PTPRT: variants seen among roughly 807,000 people sequenced by gnomAD.
PTPRT encodes the protein receptor-type tyrosine-protein phosphatase T.
A neutral mutation model predicts 176.8 loss-of-function variants in PTPRT; 56 were observed. The observed-to-expected ratio is 0.32, with a 90% CI of 0.26 to 0.40. The LOEUF is 0.40. Among genes scored for constraint, PTPRT ranks in the 10% least tolerant of loss-of-function variants. PTPRT has a pLI of 1.00. For synonymous variants in PTPRT, 783 were observed against 739.0 expected (o/e 1.06, Z -0.96); for missense variants, 1,540 against 1,908.2 (o/e 0.81, Z 3.60).
rs1467226583 is a variant in PTPRT, at chr20:42,617,150, G to C, written c.1153+60716C>G. On this transcript the variant is annotated intron_variant, in intron 7 of 30. Transcript: ENST00000373187. ...TTTATTGAGAGTTTTTAGCATGAAGGGTTGTTGAATTTTGTCAAAGGCTTT... is the reference window on the plus strand; with the variant it reads ...TTTATTGAGAGTTTTTAGCATGAAGCGTTGTTGAATTTTGTCAAAGGCTTT... 2.2e-3 allele frequency among the ~76,000 whole-genome samples: 306 copies of C among 136,996 alleles called. 89 individuals carry two copies. The highest frequency in any genetic ancestry group is 9.4e-3 in the African/African-American group (290 of 30,806). The allele number at this position is 136,996 out of a possible 152,430, so 89.9% of individuals were successfully genotyped here.
chr20:42,692,845 A>T (rs2075812961), intron 6 of PTPRT, among the ~76,000 whole-genome samples: 1 of 152,188 alleles, frequency 6.6e-6, no homozygotes, highest in South Asian at 2.1e-4. Flanking sequence ...AAATTTAAAA[A>T]GTGCCATTTA....
chr20:42,461,950 A>G (rs1259279903), intron 8 of PTPRT, among the ~76,000 whole-genome samples: 5 of 151,480 alleles, frequency 3.3e-5, no homozygotes, highest in African/African-American at 1.2e-4. Flanking sequence ...TTACAAAGGG[A>G]AATTTTGATG....
At chr20:42,803,317 G>A (rs1237398201) in intron 2 of PTPRT, among the ~76,000 whole-genome samples, 2 of 152,230 alleles carry the variant, frequency 1.3e-5, no homozygotes, top group African/African-American at 4.8e-5. Context: ...TCTGAGTGGG[G>A]TCAGTCATCT....
At chr20:42,120,027 C>G in intron 19 of PTPRT, 56 bp from the exon 20 acceptor site, 1 of 1,475,768 alleles carries the variant, frequency 6.8e-7, no homozygotes, top group Non-Finnish European at 9.3e-7. Flanking sequence ...TTGCAAACAG[C>G]ACAATATTAA....
At chr20:42,809,185 T>C (rs1409547720) in intron 2 of PTPRT, among the ~76,000 whole-genome samples, 1 of 152,206 alleles carries the variant, frequency 6.6e-6, no homozygotes, top group Admixed American at 6.5e-5. Flanking sequence ...ATCACGTCAC[T>C]GCCCAATTCT....
rs1022333498 is a variant in PTPRT, at chr20:42,402,811, GGT to G, written c.1560+45407_1560+45408del. 3.3e-5 allele frequency among the ~76,000 whole-genome samples: 5 copies of G among 151,362 alleles called. No individual in the cohort carries two copies. In the South Asian group the frequency reaches 6.3e-4, roughly 19 times the overall value. ...TCTCTCAGGGGGACTGTGGTTTGGG[GGT>G]GTGTGTGTGTGCATGTGTATGTGCA... On this transcript the variant is annotated intron_variant, in intron 9 of 30. Coordinates refer to ENST00000373187, the MANE Select transcript of PTPRT (RefSeq NM_007050.6).
chr20:42,461,492 A>G (rs1432352179), intron 8 of PTPRT, among the ~76,000 whole-genome samples: 1 of 152,128 alleles, frequency 6.6e-6, no homozygotes, highest in African/African-American at 2.4e-5. Flanking sequence ...AGCTGATCAT[A>G]TCACTGCCCT....
Position 42,215,643 on chromosome 20 carries a change from A to G in PTPRT, c.2343-16255T>C, listed in dbSNP as rs2055751156. On this transcript the variant is annotated intron_variant, in intron 15 of 30. Transcript: ENST00000373187. ...CATACGACCCGAAACCAAACCAGCC[A>G]GTGGGGCAGATGCTCTTCCCCTATT... Among the ~76,000 whole-genome samples the G allele has an allele frequency of 2.0e-5, 3 of 152,204 alleles. 1 individual carries two copies. Among genetic ancestry groups the G allele is most frequent in the Admixed American group, 2.0e-4 (3 of 15,282 alleles).
intron 1 of PTPRT, among the ~76,000 whole-genome samples, chr20:42,915,754 G>C (rs1978699585): frequency 6.6e-6 from 1 of 151,984 alleles, no homozygotes; most frequent in Non-Finnish European, 1.5e-5. Flanking sequence ...ACCACACACA[G>C]CTAATTTTTT....
rs191244647 is a variant in PTPRT, at chr20:43,043,311, A to T, written c.88+146335T>A. Reference sequence around the variant, plus strand: ...TTGTACTGATTAATTTCAGTACAAAAGGTAGAAAAGTGAAGAGCTCCATAT... The same window carrying T: ...TTGTACTGATTAATTTCAGTACAAATGGTAGAAAAGTGAAGAGCTCCATAT... On this transcript the variant is annotated intron_variant, in intron 1 of 30. Coordinates refer to ENST00000373187, the MANE Select transcript of PTPRT (RefSeq NM_007050.6). 1.5e-3 allele frequency among the ~76,000 whole-genome samples: 221 copies of T among 152,302 alleles called. 1 individual carries two copies. The highest frequency in any genetic ancestry group is 2.6e-3 in the Non-Finnish European group (179 of 68,022).
chr20:42,670,640 G>A (rs980526169), intron 7 of PTPRT, among the ~76,000 whole-genome samples: 1 of 152,160 alleles, frequency 6.6e-6, no homozygotes, highest in African/African-American at 2.4e-5. Context: ...AGCGTATGTG[G>A]TGTCTCTGGC....
chr20:42,231,851 G>A (rs1056124594), intron 15 of PTPRT, among the ~76,000 whole-genome samples: 1 of 152,186 alleles, frequency 6.6e-6, no homozygotes, highest in Non-Finnish European at 1.5e-5. Context: ...GCTCCTTATG[G>A]AAAATATTTG....
At chr20:43,184,521 T>C (rs1257349661) in intron 1 of PTPRT, among the ~76,000 whole-genome samples, 4 of 152,104 alleles carry the variant, frequency 2.6e-5, no homozygotes. Context: ...ACTCTGTCTC[T>C]ACTAAAAATA....
At chr20:42,864,858 A>T (rs903126934) in intron 2 of PTPRT, among the ~76,000 whole-genome samples, 2 of 152,250 alleles carry the variant, frequency 1.3e-5, no homozygotes, top group Non-Finnish European at 2.9e-5. Context: ...AAATCTAAAA[A>T]TCAGGCTTGT....
intron 2 of PTPRT, among the ~76,000 whole-genome samples, chr20:42,802,998 G>A (rs1286309907): frequency 1.3e-5 from 2 of 152,216 alleles, no homozygotes; most frequent in African/African-American, 2.4e-5. Context: ...TTGAGAATTA[G>A]CTACCATGAT....
chr20:43,131,016 T>C (rs1005089422), intron 1 of PTPRT, among the ~76,000 whole-genome samples: 5 of 152,224 alleles, frequency 3.3e-5, no homozygotes, highest in African/African-American at 9.6e-5. Context: ...AGTTTGACCA[T>C]GTGTCACCAG....
At chr20:42,380,347 G>A (rs2058687404) in intron 9 of PTPRT, among the ~76,000 whole-genome samples, 1 of 152,078 alleles carries the variant, frequency 6.6e-6, no homozygotes, top group African/African-American at 2.4e-5. Context: ...TGACTGGTAG[G>A]CTATGCAGAG....
chr20:42,930,010 C>G (rs1349246830), intron 1 of PTPRT, among the ~76,000 whole-genome samples: 4 of 152,194 alleles, frequency 2.6e-5, no homozygotes, highest in African/African-American at 9.7e-5. Flanking sequence ...ATTAGGACGC[C>G]TGGCTGTAGG....
intron 12 of PTPRT, among the ~76,000 whole-genome samples, chr20:42,305,338 G>A (rs1288315031): frequency 1.3e-5 from 2 of 151,770 alleles, no homozygotes; most frequent in African/African-American, 2.4e-5. Context: ...GCAACAGAGT[G>A]TGACTCTGTC....
Sources: allele counts gnomAD v4.1 joint callset (sites outside exome capture counted in the v4.1 genomes callset), GRCh38; gene constraint gnomAD v4.1.1; transcripts MANE v1.5; gene names NCBI Gene and HGNC (gene_info 2026-07-23, HGNC 2026-07-21).